ACOX3: variants seen among roughly 807,000 people sequenced by gnomAD.
ACOX3 encodes the protein peroxisomal acyl-coenzyme A oxidase 3.
In ACOX3, 73 loss-of-function variants were observed where a neutral mutation model predicts 81.5. That is an observed-to-expected ratio of 0.90 (90% CI 0.74 to 1.09). ACOX3 has a LOEUF of 1.09. Ranked by LOEUF, ACOX3 falls within the 50% of genes least tolerant of loss-of-function variation. The pLI is 0.00. For missense variants in ACOX3, 947 were observed against 928.0 expected (o/e 1.02, Z -0.27); for synonymous variants, 387 against 375.1 (o/e 1.03, Z -0.37).
intron 17 of ACOX3, among the ~76,000 whole-genome samples, chr4:8,369,579 T>C (rs1237744790): frequency 6.6e-6 from 1 of 152,156 alleles, no homozygotes; most frequent in East Asian, 1.9e-4. Flanking sequence ...CGGGGAACTC[T>C]CACCTCCTGC....
chr4:8,356,417 C>T, the ACOX3 span: 271 of 403,282 alleles, frequency 6.7e-4, no homozygotes, highest in Non-Finnish European at 3.3e-4. Flanking sequence ...ATGGCTGCCA[C>T]GGAGCAGAAG....
rs566582713 is a variant in ACOX3 at position 8,417,318 on chromosome 4, C to G, written c.-14-783G>C. Among the ~76,000 whole-genome samples the G allele has an allele frequency of 1.0e-4, 16 of 152,384 alleles. No homozygotes were observed. The South Asian group carries it at 3.1e-3, about 30-fold the overall frequency. On this transcript the variant is annotated intron_variant, in intron 1 of 17. Coordinates refer to ENST00000356406, the MANE Select transcript of ACOX3 (RefSeq NM_003501.3). ...AACTTTTGAGTCCTTTGAGCTGAAA[C>G]AGCCTGCGGTGCTGGAGCCTGAGTC...
In ACOX3 at chr4:8,419,665, TG is replaced by T. The variant is rs1037541858; in HGVS notation, c.-14-3131del. ...AACCGAAAACATCACGTCCTCAATG[TG>T]TGCAAGGCTCCCCGATTCACACCTC... On this transcript the variant is annotated intron_variant, in intron 1 of 17. Transcript: ENST00000356406. This position sits in a 1 kb window ranked among gnomAD's most constrained non-coding sequence, Gnocchi z 4.2. 4.6e-5 allele frequency among the ~76,000 whole-genome samples: 7 copies of T among 152,072 alleles called. No individual in the cohort carries two copies. Among genetic ancestry groups the T allele is most frequent in the African/African-American group, 1.7e-4 (7 of 41,390 alleles).
At chr4:8,367,700 TG>T (rs903378625) in intron 17 of ACOX3, among the ~76,000 whole-genome samples, 1 of 144,290 alleles carries the variant, frequency 6.9e-6, no homozygotes, top group African/African-American at 2.6e-5. Flanking sequence ...CTGGGTGAGG[TG>T]GCTCGTTCCT....
intron 14 of ACOX3, among the ~76,000 whole-genome samples, chr4:8,379,550 G>A (rs928122150): frequency 2.0e-5 from 3 of 152,238 alleles, no homozygotes; most frequent in South Asian, 4.1e-4. Flanking sequence ...CCAAGTTCTC[G>A]AAGGAAAAGC....
the ACOX3 span, chr4:8,356,256 AGCCT>A: frequency 5.9e-6 from 2 of 338,716 alleles, no homozygotes; most frequent in East Asian, 1.5e-4. Flanking sequence ...TCCATCCAGG[AGCCT>A]GCCCTAGACT....
chr4:8,360,763 C>T, the ACOX3 span, among the ~76,000 whole-genome samples: 95 of 152,278 alleles, frequency 6.2e-4, no homozygotes, highest in African/African-American at 2.0e-3. Context: ...TGAGCCACTG[C>T]GCCCAACCTG....
chr4:8,357,091 G>A, the ACOX3 span: 15 of 455,430 alleles, frequency 3.3e-5, no homozygotes, highest in Non-Finnish European at 5.7e-5. Context: ...ATCCTGGCAG[G>A]TGAGAGGAAG....
chr4:8,411,275 T>C (rs562910593), intron 5 of ACOX3, among the ~76,000 whole-genome samples: 2 of 152,336 alleles, frequency 1.3e-5, no homozygotes, highest in Middle Eastern at 3.4e-3. Context: ...CTGTCGTGGC[T>C]AAGTTTTGGT....
chr4:8,424,946 A>T (rs898582116), intron 1 of ACOX3, among the ~76,000 whole-genome samples: 3 of 152,250 alleles, frequency 2.0e-5, no homozygotes, highest in Non-Finnish European at 4.4e-5. Flanking sequence ...ACTAGCGCTC[A>T]GCTGGCAGAA....
intron 8 of ACOX3, among the ~76,000 whole-genome samples, chr4:8,397,688 G>A (rs964750680): frequency 6.6e-6 from 1 of 152,194 alleles, no homozygotes; most frequent in Non-Finnish European, 1.5e-5. Context: ...GCTGCGGTGG[G>A]CACATCTAAT....
rs945195262 is a variant in ACOX3, at chr4:8,399,007, C to T, written c.873+549G>A. 2.0e-5 allele frequency among the ~76,000 whole-genome samples: 3 copies of T among 152,196 alleles called. No individual in the cohort carries two copies. Among genetic ancestry groups the T allele is most frequent in the African/African-American group, 7.2e-5 (3 of 41,442 alleles). ...ATCCCCATCATGCTCCTTTTCCATC[C>T]GTGCTTCCTGATGTCAGATGCTGCA... On this transcript the variant is annotated intron_variant, in intron 8 of 17. Coordinates refer to ENST00000356406, the MANE Select transcript of ACOX3 (RefSeq NM_003501.3). The surrounding 1 kb of genome is among the most constrained non-coding windows in gnomAD (Gnocchi z 4.9).
Position 8,400,566 on chromosome 4 carries a change from A to G in ACOX3, c.777-914T>C, listed in dbSNP as rs1476575420. On this transcript the variant is annotated intron_variant, in intron 7 of 17. Coordinates refer to ENST00000356406, the MANE Select transcript of ACOX3 (RefSeq NM_003501.3). The surrounding 1 kb of genome is among the most constrained non-coding windows in gnomAD (Gnocchi z 4.4). ...CACACATTGTTATGGATCATGATGT[A>G]TTAATAACCAAAGATACCTGTTATG... Among the ~76,000 whole-genome samples, 3 of 152,242 alleles carry G rather than the reference A, an allele frequency of 2.0e-5. No individual in the cohort carries two copies. In the East Asian group the frequency reaches 5.8e-4, roughly 29 times the overall value.
rs1722656021 is a variant in ACOX3 at position 8,419,153 on chromosome 4, A to G, written c.-14-2618T>C. Among the ~76,000 whole-genome samples, 1 of 152,112 alleles carries G rather than the reference A, an allele frequency of 6.6e-6. No individual in the cohort carries two copies. The highest frequency in any genetic ancestry group is 1.5e-5 in the Non-Finnish European group (1 of 68,016). The stretch of plus-strand genomic sequence containing the variant: ...TTATCTCTTAAAGAACCAGATAAAT[A>G]GGCCAGGCGCAGTGGCTCATGCCTG... On this transcript the variant is annotated intron_variant, in intron 1 of 17. Transcript: ENST00000356406. This position sits in a 1 kb window ranked among gnomAD's most constrained non-coding sequence, Gnocchi z 4.2.
rs368900573 is a variant in ACOX3, at chr4:8,431,808, C to T, written c.-15+8840G>A. Among the ~76,000 whole-genome samples the T allele has an allele frequency of 3.3e-5, 5 of 152,314 alleles. No homozygotes were observed. The highest frequency in any genetic ancestry group is 4.8e-5 in the African/African-American group (2 of 41,540). ...CCCACTTCTGCTCCCTTCGGCACAC[C>T]GATTCCCTGCTCAGTTTTAGACCTT... On this transcript the variant is annotated intron_variant, in intron 1 of 17. Transcript: ENST00000356406. The surrounding 1 kb of genome is among the most constrained non-coding windows in gnomAD (Gnocchi z 5.3).
chr4:8,388,220 C>T lies in ACOX3; in HGVS notation c.1537+953G>A, dbSNP rs999408447. On this transcript the variant is annotated intron_variant, in intron 13 of 17. Transcript: ENST00000356406. ...GCCCCTGCAAGGTGGTCACCAGCCA[C>T]GCTCCACCTCACCAGCCAGGATCAC... Among the ~76,000 whole-genome samples the T allele has an allele frequency of 1.8e-4, 28 of 152,338 alleles. 1 individual carries two copies. The highest frequency in any genetic ancestry group is 6.8e-3 in the Middle Eastern group (2 of 294).
At chr4:8,375,927 T>C (rs1035352099) in intron 14 of ACOX3, among the ~76,000 whole-genome samples, 6 of 152,258 alleles carry the variant, frequency 3.9e-5, no homozygotes, top group African/African-American at 1.4e-4. Context: ...GATGGGCACC[T>C]GCGTTGATTT....
chr4:8,364,456 T>C (rs994714430), downstream of ACOX3, among the ~76,000 whole-genome samples: 8 of 152,134 alleles, frequency 5.3e-5, no homozygotes, highest in Non-Finnish European at 8.8e-5. The surrounding 1 kb of genome is among the most constrained non-coding windows in gnomAD (Gnocchi z 5.0). Context: ...CATGGTGACA[T>C]TGTGGCATCG....
chr4:8,378,727 T>C (rs1055392965), intron 14 of ACOX3, among the ~76,000 whole-genome samples: 2 of 152,270 alleles, frequency 1.3e-5, no homozygotes, highest in African/African-American at 4.8e-5. Flanking sequence ...GAGAAATGCA[T>C]TTTTAAAGAC....
Sources: allele counts gnomAD v4.1 joint callset (sites outside exome capture counted in the v4.1 genomes callset), GRCh38; gene constraint gnomAD v4.1.1; non-coding constraint Gnocchi (gnomAD v3.1); transcripts MANE v1.5; gene names NCBI Gene and HGNC (gene_info 2026-07-23, HGNC 2026-07-21).